RPS6KA2: variants seen among roughly 807,000 people sequenced by gnomAD.
RPS6KA2 encodes ribosomal protein S6 kinase A2.
RPS6KA2 carries 42 observed loss-of-function variants against 91.8 expected under a neutral mutation model. The ratio of observed to expected loss-of-function variants is 0.46; its 90% CI spans 0.36 to 0.59. The LOEUF is 0.59. Ranked by LOEUF, RPS6KA2 falls within the 20% of genes least tolerant of loss-of-function variation. The probability of loss-of-function intolerance (pLI) is 0.00; values close to 1 mark genes in which losing one functional copy is unlikely to be tolerated. For missense variants in RPS6KA2, 798 were observed against 978.5 expected (o/e 0.82, Z 2.46); for synonymous variants, 414 against 393.6 (o/e 1.05, Z -0.61).
chr6:166,680,707 G>A (rs932035775), intron 2 of RPS6KA2, among the ~76,000 whole-genome samples: 7 of 152,104 alleles, frequency 4.6e-5, no homozygotes, highest in African/African-American at 1.2e-4. Context: ...CCACCAGAAG[G>A]AAAAAATTCT....
chr6:166,436,709 A>G (rs1779323214), intron 14 of RPS6KA2, among the ~76,000 whole-genome samples: 2 of 152,208 alleles, frequency 1.3e-5, no homozygotes, highest in African/African-American at 4.8e-5. Flanking sequence ...CCTCTGAGGC[A>G]CAGGGCAGCG....
At chr6:166,634,239 C>T (rs1468830571) in intron 2 of RPS6KA2, among the ~76,000 whole-genome samples, 1 of 152,142 alleles carries the variant, frequency 6.6e-6, no homozygotes, top group Non-Finnish European at 1.5e-5. Context: ...ACAGTGTCCT[C>T]ATGAAGAGCA....
chr6:166,849,106 G>T lies in RPS6KA2; in HGVS notation c.123+9094C>A, dbSNP rs1341558994. On this transcript the variant is annotated intron_variant, in intron 2 of 21. Coordinates refer to the RPS6KA2 transcript ENST00000503859. The surrounding 1 kb of genome is among the most constrained non-coding windows in gnomAD (Gnocchi z 4.9). ...CTGGGCAGCCCCAGGCCTGCACATG[G>T]TTCCTGAAGCCAAGCCCAGCTGAGG... Among the ~76,000 whole-genome samples, 15 of 152,038 alleles carry T rather than the reference G, an allele frequency of 9.9e-5. No homozygotes were observed. Among genetic ancestry groups the T allele is most frequent in the Admixed American group, 9.8e-4 (15 of 15,272 alleles).
chr6:166,852,282 T>C lies in RPS6KA2; in HGVS notation c.123+5918A>G, dbSNP rs1441609188. On this transcript the variant is annotated intron_variant, in intron 2 of 21. Transcript: ENST00000503859. The surrounding 1 kb of genome is among the most constrained non-coding windows in gnomAD (Gnocchi z 4.1). ...TTCACAGGAGGTAATAAGCAGGGCC[T>C]GGAAGATTGTTTTATCAATCTTCTT... Among the ~76,000 whole-genome samples, 1 of 152,236 alleles carries C rather than the reference T, an allele frequency of 6.6e-6. No homozygotes were observed. Among genetic ancestry groups the C allele is most frequent in the African/African-American group, 2.4e-5 (1 of 41,460 alleles).
At chr6:166,532,713 G>T (rs562955208) in intron 2 of RPS6KA2, among the ~76,000 whole-genome samples, 1 of 152,286 alleles carries the variant, frequency 6.6e-6, no homozygotes, top group East Asian at 1.9e-4. Flanking sequence ...TCTCGGACCC[G>T]ATTAGGTCCC....
chr6:166,522,530 G>A (rs1193236635), intron 3 of RPS6KA2, among the ~76,000 whole-genome samples: 1 of 152,230 alleles, frequency 6.6e-6, no homozygotes, highest in Non-Finnish European at 1.5e-5. Context: ...TGAAGACTGA[G>A]CCGACAGACA....
At chr6:166,680,532 T>A (rs563470899) in intron 2 of RPS6KA2, among the ~76,000 whole-genome samples, 4 of 152,182 alleles carry the variant, frequency 2.6e-5, no homozygotes, top group Non-Finnish European at 4.4e-5. Flanking sequence ...GCCGCTTTTG[T>A]GAACTGTAAC....
At chr6:166,694,813 G>A (rs1296263171) in intron 2 of RPS6KA2, among the ~76,000 whole-genome samples, 2 of 152,236 alleles carry the variant, frequency 1.3e-5, no homozygotes, top group Non-Finnish European at 2.9e-5. Flanking sequence ...GAGAGAAAGA[G>A]AGTAATTCAT....
At chr6:166,559,132 A>G (rs763203355) in intron 1 of RPS6KA2, among the ~76,000 whole-genome samples, 2 of 152,178 alleles carry the variant, frequency 1.3e-5, no homozygotes, top group Non-Finnish European at 2.9e-5. Context: ...GGAATATGAC[A>G]CACCGGAACT....
chr6:166,505,797 C>A (rs930623890), intron 5 of RPS6KA2, among the ~76,000 whole-genome samples: 1 of 152,224 alleles, frequency 6.6e-6, no homozygotes, highest in African/African-American at 2.4e-5. Context: ...AGCGCCTTTC[C>A]CGGATGTATG....
chr6:166,853,054 C>T (rs1379415582), intron 2 of RPS6KA2, among the ~76,000 whole-genome samples: 1 of 152,210 alleles, frequency 6.6e-6, no homozygotes. Context: ...TTTTCAATAA[C>T]ACCTGGATCT....
Position 166,500,888 on chromosome 6 carries a change from T to C in RPS6KA2, c.603A>G (p.Thr201=). 6.2e-7 allele frequency: 1 copy of C among 1,613,930 alleles called. No individual in the cohort carries two copies. Among genetic ancestry groups the C allele is most frequent in the Non-Finnish European group, 8.5e-7 (1 of 1,179,846 alleles). The part of the protein sequence containing the change: ...LLDEEGHIKI[T]DFGLSKEAID... ...GGGGGCCTGCCGTCTTTTACAAACC[T>C]GTGATCTTAATGTGCCCCTCTTCAT... The change falls in exon 7 of 21, where the codon ACA becomes ACG. Residue 201 remains threonine (T), a splice_region_variant and synonymous_variant. Transcript: ENST00000265678. This position sits in a 1 kb window ranked among gnomAD's most constrained non-coding sequence, Gnocchi z 4.3.
intron 2 of RPS6KA2, among the ~76,000 whole-genome samples, chr6:166,800,583 G>T (rs900825984): frequency 6.6e-6 from 1 of 152,178 alleles, no homozygotes; most frequent in Admixed American, 6.6e-5. Flanking sequence ...CAGCAACAGG[G>T]TTCTGTCTTG....
At chr6:166,543,291 G>A (rs187888127) in intron 1 of RPS6KA2, among the ~76,000 whole-genome samples, 24 of 152,332 alleles carry the variant, frequency 1.6e-4, no homozygotes, top group Admixed American at 6.5e-4. Flanking sequence ...GGTTCTGAAC[G>A]TATGAATGTT....
At chr6:166,510,558 T>TC (rs1782434373) in intron 3 of RPS6KA2, among the ~76,000 whole-genome samples, 1 of 8,274 alleles carries the variant, frequency 1.2e-4, no homozygotes, top group African/African-American at 3.7e-4. Context: ...CTCTCTCATA[T>TC]ATATATATAT....
rs10484522 is a variant in RPS6KA2 at position 166,737,141 on chromosome 6, T to C, written c.123+121059A>G. On this transcript the variant is annotated intron_variant, in intron 2 of 21. Transcript: ENST00000503859. The surrounding 1 kb of genome is among the most constrained non-coding windows in gnomAD (Gnocchi z 4.3). ...ACGAGGTCCTTGATTTTCAATTTCC[T>C]GCAATCCTGGCTAAGAGACACAATT... Among the ~76,000 whole-genome samples the C allele has an allele frequency of 0.022, 3,417 of 152,322 alleles. 92 individuals carry two copies. The highest frequency in any genetic ancestry group is 0.1 in the East Asian group (529 of 5,182).
rs1784402346 is a variant in RPS6KA2, at chr6:166,563,453, G to T, written c.100-24669C>A. On this transcript the variant is annotated intron_variant, in intron 1 of 20. Transcript: ENST00000265678. The surrounding 1 kb of genome is among the most constrained non-coding windows in gnomAD (Gnocchi z 4.1). The stretch of plus-strand genomic sequence containing the variant: ...CGCCTCTTCCTTCCTCCTGGTGACA[G>T]ATGCCCCCTGCCACCCCCAGGGGCT... 6.6e-6 allele frequency among the ~76,000 whole-genome samples: 1 copy of T among 152,148 alleles called. No homozygotes were observed.
intron 2 of RPS6KA2, among the ~76,000 whole-genome samples, chr6:166,796,852 G>T (rs1006942106): frequency 6.6e-6 from 1 of 151,500 alleles, no homozygotes; most frequent in Non-Finnish European, 1.5e-5. Flanking sequence ...CGAGTCACTC[G>T]CAACTGCACA....
At chr6:166,607,722 A>C (rs1786005318) in intron 1 of RPS6KA2, among the ~76,000 whole-genome samples, 1 of 152,244 alleles carries the variant, frequency 6.6e-6, no homozygotes, top group South Asian at 2.1e-4. Context: ...GGAATTGTAC[A>C]TTTTAAATGG....
Sources: allele counts gnomAD v4.1 joint callset (sites outside exome capture counted in the v4.1 genomes callset), GRCh38; gene constraint gnomAD v4.1.1; non-coding constraint Gnocchi (gnomAD v3.1); transcripts MANE v1.5; gene names NCBI Gene and HGNC (gene_info 2026-07-23, HGNC 2026-07-21).